SENP5: variants seen among roughly 807,000 people sequenced by gnomAD.
SENP5 encodes sentrin-specific protease 5.
A neutral mutation model predicts 74.2 loss-of-function variants in SENP5; 21 were observed. The observed-to-expected ratio is 0.28, with a 90% CI of 0.20 to 0.41. The LOEUF (loss-of-function observed/expected upper bound fraction) is 0.41, where lower values mean the gene tolerates loss of function less well. Ranked by LOEUF, SENP5 falls within the 10% of genes least tolerant of loss-of-function variation. The pLI is 1.00. For synonymous variants in SENP5, 311 were observed against 312.7 expected (o/e 0.99, Z 0.06); for missense variants, 717 against 889.1 (o/e 0.81, Z 2.46).
rs776730694 is a variant in SENP5, at chr3:196,932,819, T to G, written c.*1896T>G. The stretch of plus-strand genomic sequence containing the variant: ...CTGTCAGTTCAAAATGTCTTGTACT[T>G]CAGAGTGAGGAAGTGTTTCAGTTCC... On this transcript the variant is annotated 3_prime_UTR_variant, in exon 10 of 10. Transcript: ENST00000323460. The G allele has an allele frequency of 4.1e-5, 6 of 144,876 alleles. No individual in the cohort carries two copies. The highest frequency in any genetic ancestry group is 8.9e-5 in the Non-Finnish European group (6 of 67,060). 9.0% of individuals were successfully genotyped at this position (144,876 alleles called of 1,614,324 possible). A position where few individuals can be genotyped will look rare whatever the true frequency, so the allele number is the denominator to read the frequency against.
At chr3:196,873,622 C>CAT (rs1713317866) in intron 1 of SENP5, among the ~76,000 whole-genome samples, 1 of 151,350 alleles carries the variant, frequency 6.6e-6, no homozygotes, top group Non-Finnish European at 1.5e-5. Flanking sequence ...GGGTGGATTG[C>CAT]GAGGTCAGGA....
At chr3:196,875,350 A>G (rs1713411250) in intron 1 of SENP5, among the ~76,000 whole-genome samples, 1 of 152,198 alleles carries the variant, frequency 6.6e-6, no homozygotes, top group Non-Finnish European at 1.5e-5. Flanking sequence ...TACCTGTAAC[A>G]GATTCCTAAT....
At chr3:196,875,903 T>G (rs1368918822) in intron 1 of SENP5, among the ~76,000 whole-genome samples, 2 of 152,048 alleles carry the variant, frequency 1.3e-5, no homozygotes, top group Non-Finnish European at 2.9e-5. Flanking sequence ...CTATTTTTTT[T>G]GGAGACAGGA....
chr3:196,893,951 G>A (rs1395573563), intron 2 of SENP5, among the ~76,000 whole-genome samples: 4 of 151,288 alleles, frequency 2.6e-5, no homozygotes, highest in Non-Finnish European at 5.9e-5. Flanking sequence ...AGAAATACAT[G>A]TTCAAAGGGC....
intron 9 of SENP5, among the ~76,000 whole-genome samples, chr3:196,929,986 A>AT (rs1715968553): frequency 1.0e-5 from 1 of 98,678 alleles, no homozygotes. Flanking sequence ...TGGCATTTGC[A>AT]TAAAAAAAAA....
intron 1 of SENP5, 81 bp from the exon 2 acceptor site, chr3:196,885,067 TCAA>T (rs1553819846): frequency 5.3e-6 from 4 of 751,372 alleles, no homozygotes; most frequent in Non-Finnish European, 6.4e-6. Context: ...TTTTTTTTTC[TCAA>T]TTTTCTGCCT....
At chr3:196,894,272 C>G (rs910459550) in intron 2 of SENP5, among the ~76,000 whole-genome samples, 5 of 151,388 alleles carry the variant, frequency 3.3e-5, no homozygotes, top group African/African-American at 1.2e-4. Context: ...GACAGGTGCC[C>G]GCCACCACGC....
intron 7 of SENP5, 114 bp from the exon 8 acceptor site, chr3:196,927,682 C>G (rs1381122422): frequency 5.4e-6 from 3 of 553,266 alleles, no homozygotes; most frequent in African/African-American, 3.9e-5. Flanking sequence ...AATGCATATT[C>G]TGCCCAGTTA....
chr3:196,920,036 G>A (rs1279362286), intron 6 of SENP5, among the ~76,000 whole-genome samples: 2 of 152,070 alleles, frequency 1.3e-5, no homozygotes, highest in Non-Finnish European at 2.9e-5. Flanking sequence ...TTTCCAGATT[G>A]TTTTGGCAAT....
intron 6 of SENP5, among the ~76,000 whole-genome samples, chr3:196,911,317 C>A (rs1715115689): frequency 6.6e-6 from 1 of 152,096 alleles, no homozygotes; most frequent in African/African-American, 2.4e-5. Flanking sequence ...ACCCACCTGA[C>A]AAAGATCTAA....
intron 1 of SENP5, among the ~76,000 whole-genome samples, chr3:196,877,282 A>G (rs1180017324): frequency 6.6e-6 from 1 of 152,100 alleles, no homozygotes; most frequent in Non-Finnish European, 1.5e-5. Flanking sequence ...TCCCTGGTTG[A>G]AGCGATTCTT....
chr3:196,889,948 C>T (rs1714135178), intron 2 of SENP5, among the ~76,000 whole-genome samples: 1 of 152,152 alleles, frequency 6.6e-6, no homozygotes, highest in African/African-American at 2.4e-5. Context: ...CAGCAAAGAA[C>T]AAATCTGTTA....
At chr3:196,882,063 A>AT (rs200680014) in intron 1 of SENP5, among the ~76,000 whole-genome samples, 2,241 of 151,252 alleles carry the variant, frequency 0.015, 18 homozygotes, top group Non-Finnish European at 0.022. Context: ...CACCTGGCTA[A>AT]TTTTTTTGTA....
chr3:196,914,857 C>T (rs1715307702), intron 6 of SENP5, among the ~76,000 whole-genome samples: 1 of 152,008 alleles, frequency 6.6e-6, no homozygotes, highest in Non-Finnish European at 1.5e-5. Context: ...AGGAAAGACA[C>T]TCTTGCATTG....
At chr3:196,899,524 A>T (rs1226018857) in intron 2 of SENP5, 142 bp from the exon 3 acceptor site, 4 of 451,218 alleles carry the variant, frequency 8.9e-6, no homozygotes, top group Non-Finnish European at 1.6e-5. Flanking sequence ...TAACTTTAAA[A>T]ATATAGTATC....
At position 196,885,524 on chromosome 3, in the gene SENP5, C is replaced by T. The variant is rs1486715153; in HGVS notation, c.343C>T (p.Gln115Ter). ...ISSSKTLLRL[Q>*]AEKLLSSAKN... ...CTCCTCAAAGACTCTCCTGAGACTC[C>T]AAGCAGAGAAGCTGTTGTCATCAGC... Residue 115 changes from glutamine (Q) to a stop codon, truncating the protein, a stop_gained, in exon 2 of 10, where the codon CAA becomes TAA. Coordinates refer to ENST00000323460, the MANE Select transcript of SENP5 (RefSeq NM_152699.5). LOFTEE classifies it high-confidence loss of function. 6.2e-7 allele frequency: 1 copy of T among 1,613,992 alleles called. No homozygotes were observed. The highest frequency in any genetic ancestry group is 1.3e-5 in the African/African-American group (1 of 74,920).
intron 1 of SENP5, among the ~76,000 whole-genome samples, chr3:196,872,971 G>A (rs949312284): frequency 1.6e-4 from 24 of 151,566 alleles, no homozygotes; most frequent in African/African-American, 4.4e-4. Flanking sequence ...TATTTTTAGC[G>A]TCATATTCAT....
chr3:196,906,860 G>A (rs1411266130), intron 6 of SENP5, among the ~76,000 whole-genome samples: 1 of 152,164 alleles, frequency 6.6e-6, no homozygotes, highest in Admixed American at 6.5e-5. Context: ...AAGATGGATG[G>A]GTATGGGAGC....
intron 2 of SENP5, among the ~76,000 whole-genome samples, chr3:196,897,991 G>T (rs1444792888): frequency 6.7e-6 from 1 of 149,684 alleles, no homozygotes; most frequent in Non-Finnish European, 1.5e-5. Context: ...GGCCAACATG[G>T]TGAAACCCCG....
Sources: gnomAD v4.1 joint callset for allele counts (sites outside exome capture counted in the v4.1 genomes callset) on GRCh38, gnomAD v4.1.1 for gene constraint, MANE v1.5 for transcripts, NCBI Gene and HGNC (gene_info 2026-07-23, HGNC 2026-07-21) for gene names.